The following ACTG2 variants were observed in gnomAD, a reference collection of about 807,000 sequenced individuals.
The protein encoded by ACTG2 is actin gamma 2, smooth muscle.
ACTG2 carries 16 observed loss-of-function variants against 37.6 expected under a neutral mutation model. That is an observed-to-expected ratio of 0.43 (90% confidence interval 0.29 to 0.65). ACTG2 has a LOEUF of 0.65. ACTG2 is among the 30% of genes least tolerant of loss of function. The probability of loss-of-function intolerance (pLI) is 0.18; values close to 1 mark genes in which losing one functional copy is unlikely to be tolerated. For missense variants in ACTG2, 238 were observed against 490.9 expected, an observed-to-expected ratio of 0.48 and a Z score of 4.87; for synonymous variants, 181 against 179.9, an observed-to-expected ratio of 1.01 and a Z score of -0.05.
intron 1 of ACTG2, among the ~76,000 whole-genome samples, chr2:73,899,466 A>C (rs183540478): frequency 6.7e-6 from 1 of 150,364 alleles, no homozygotes; most frequent in South Asian, 2.1e-4. Context: ...CATCTCAAAA[A>C]ATATATATAT....
intron 3 of ACTG2, among the ~76,000 whole-genome samples, chr2:73,907,215 C>CTCTGGACTTTGCA (rs1451767959): frequency 1.3e-5 from 2 of 152,118 alleles, no homozygotes; most frequent in African/African-American, 4.8e-5. Context: ...TCTCTCTCCC[C>CTCTGGACTTTGCA]TCTGGACTTT....
chr2:73,909,184 T>C (rs373694575), intron 5 of ACTG2, 45 bp downstream of exon 5: 8 of 1,556,012 alleles, frequency 5.1e-6, no homozygotes, highest in Non-Finnish European at 7.1e-6. Context: ...TCAGGGGAGG[T>C]AGGGAAAAGC....
intron 5 of ACTG2, among the ~76,000 whole-genome samples, chr2:73,910,743 TCTC>T (rs1375707755): frequency 1.6e-4 from 24 of 151,676 alleles, no homozygotes; most frequent in Non-Finnish European, 2.8e-4. Flanking sequence ...GGCTGACCAT[TCTC>T]CTCTCCAGAT....
chr2:73,896,859 G>A (rs948312163), intron 1 of ACTG2: 7 of 152,196 alleles, frequency 4.6e-5, no homozygotes, highest in African/African-American at 1.7e-4. Context: ...AGCATGAAGC[G>A]GTTGTGACCC....
intron 1 of ACTG2, 103 bp downstream of exon 1, chr2:73,893,154 C>G (rs1324237529): frequency 6.6e-6 from 1 of 152,270 alleles, no homozygotes; most frequent in Non-Finnish European, 1.5e-5. Flanking sequence ...TGACGCTGGC[C>G]CAGATCACAC....
chr2:73,915,675 C>T (rs75133438), intron 7 of ACTG2, among the ~76,000 whole-genome samples: 4,204 of 152,160 alleles, frequency 0.028, 185 homozygotes, highest in African/African-American at 0.096. Context: ...GATGACATGA[C>T]GAGTATATCC....
intron 5 of ACTG2, among the ~76,000 whole-genome samples, chr2:73,909,524 C>T (rs981451572): frequency 6.6e-6 from 1 of 152,138 alleles, no homozygotes; most frequent in African/African-American, 2.4e-5. Flanking sequence ...CATTAGGTGA[C>T]TTTGTCACTG....
At chr2:73,913,454 A>T (rs891699) in intron 5 of ACTG2, 31 bp from the exon 6 acceptor site, 997,059 of 1,529,590 alleles carry the variant, frequency 0.65, 328,284 homozygotes, top group Admixed American at 0.78. Context: ...AAGAATGAGA[A>T]TTTTATAAGC....
Position 73,916,459 on chromosome 2 carries a change from T to C in ACTG2, c.806-125T>C, listed in dbSNP as rs1286160006. On this transcript the variant is annotated intron_variant, in intron 7 of 8. Coordinates refer to ENST00000345517, the MANE Select transcript of ACTG2 (RefSeq NM_001615.4). ...GAAGGGGGTATGATCTTATAATCCT[T>C]CTGGGAGATATTAAGGTTCTGAACT... 1.3e-5 allele frequency: 10 copies of C among 787,940 alleles called. No homozygotes were observed. The Admixed American group carries it at 1.6e-4, about 13-fold the overall frequency. 48.8% of individuals were successfully genotyped at this position (787,940 alleles called of 1,614,324 possible).
At chr2:73,901,083 T>TA (rs966430356) in intron 1 of ACTG2, among the ~76,000 whole-genome samples, 193 bp from the exon 2 acceptor site, 1 of 152,114 alleles carries the variant, frequency 6.6e-6, no homozygotes, top group African/African-American at 2.4e-5. Flanking sequence ...CATGAATTTT[T>TA]GGGGGGACAC....
At chr2:73,903,655 T>C (rs1679938219) in intron 3 of ACTG2, among the ~76,000 whole-genome samples, 1 of 152,128 alleles carries the variant, frequency 6.6e-6, no homozygotes, top group African/African-American at 2.4e-5. Flanking sequence ...TTTAAAAACA[T>C]AATAGGCCGG....
chr2:73,913,323 CATAAAAA>C (rs1367058908), intron 5 of ACTG2, among the ~76,000 whole-genome samples, 155 bp from the exon 6 acceptor site: 3 of 152,068 alleles, frequency 2.0e-5, no homozygotes, highest in African/African-American at 4.8e-5. Flanking sequence ...AAGTGACATA[CATAAAAA>C]ATAAAAAATA....
At chr2:73,909,791 C>G (rs1336289095) in intron 5 of ACTG2, among the ~76,000 whole-genome samples, 2 of 152,050 alleles carry the variant, frequency 1.3e-5, no homozygotes, top group Non-Finnish European at 2.9e-5. Context: ...ATGAATGGAG[C>G]TTGCAAGACT....
At chr2:73,910,748 T>C (rs1416604446) in intron 5 of ACTG2, among the ~76,000 whole-genome samples, 1 of 151,804 alleles carries the variant, frequency 6.6e-6, no homozygotes, top group Admixed American at 6.6e-5. Context: ...ACCATTCTCC[T>C]CTCCAGATCC....
At chr2:73,907,854 C>T (rs1453077505) in intron 3 of ACTG2, among the ~76,000 whole-genome samples, 2 of 152,150 alleles carry the variant, frequency 1.3e-5, no homozygotes, top group African/African-American at 4.8e-5. Context: ...ATTATCCAAC[C>T]TAAAATGTCA....
At chr2:73,909,475 AT>A (rs979948615) in intron 5 of ACTG2, among the ~76,000 whole-genome samples, 1 of 152,214 alleles carries the variant, frequency 6.6e-6, no homozygotes, top group African/African-American at 2.4e-5. Flanking sequence ...GCAGTTACAC[AT>A]TGCTTAATGA....
intron 1 of ACTG2, among the ~76,000 whole-genome samples, chr2:73,896,499 C>A (rs972140958): frequency 3.9e-5 from 6 of 151,946 alleles, no homozygotes; most frequent in Non-Finnish European, 8.8e-5. Flanking sequence ...CATGTTCTAG[C>A]GGAGGAAACT....
At chr2:73,896,974 G>A (rs191161787) in intron 1 of ACTG2, 12 of 152,424 alleles carry the variant, frequency 7.9e-5, no homozygotes, top group Admixed American at 7.8e-4. Context: ...TCCTGGCAGA[G>A]ATGGTCCACG....
intron 3 of ACTG2, among the ~76,000 whole-genome samples, chr2:73,905,179 C>A (rs1290282357): frequency 1.3e-5 from 2 of 151,992 alleles, no homozygotes; most frequent in South Asian, 4.2e-4. Context: ...TGGTTTATAG[C>A]CCTAAGCTCA....
Sources: gnomAD v4.1 joint callset for allele counts (sites outside exome capture counted in the v4.1 genomes callset) on GRCh38, gnomAD v4.1.1 for gene constraint, MANE v1.5 for transcripts, NCBI Gene and HGNC (gene_info 2026-07-23, HGNC 2026-07-21) for gene names.